The following MOB3B variants were observed in gnomAD, a reference collection of about 807,000 sequenced individuals.
The protein encoded by MOB3B is MOB kinase activator 3B.
MOB3B carries 7 observed loss-of-function variants against 18.7 expected under a neutral mutation model. That is an observed-to-expected ratio of 0.37 (90% CI 0.21 to 0.70). MOB3B has a LOEUF of 0.70. MOB3B is among the 30% of genes least tolerant of loss of function. The probability of loss-of-function intolerance (pLI) is 0.52; values close to 1 mark genes in which losing one functional copy is unlikely to be tolerated. For missense variants in MOB3B, 253 were observed against 281.3 expected, an observed-to-expected ratio of 0.90 and a Z score of 0.72; for synonymous variants, 111 against 99.9, an observed-to-expected ratio of 1.11 and a Z score of -0.66.
chr9:27,461,871 A>C (rs1226591790), intron 1 of MOB3B, among the ~76,000 whole-genome samples: 1 of 152,234 alleles, frequency 6.6e-6, no homozygotes, highest in Admixed American at 6.5e-5. Context: ...GAGGACACTT[A>C]GTGGTGAGAA....
chr9:27,325,626 A>G lies in MOB3B; in HGVS notation c.*4961T>C, dbSNP rs1820699289. ...GAAAACAATCATTATTTCCAAACACACTTTGTTTGTCTAATTCTAGGAGAG... is the reference window on the plus strand; with the variant it reads ...GAAAACAATCATTATTTCCAAACACGCTTTGTTTGTCTAATTCTAGGAGAG... On this transcript the variant is annotated 3_prime_UTR_variant, in exon 4 of 4. Transcript: ENST00000262244. The G allele has an allele frequency of 6.6e-6, 1 of 152,196 alleles. No homozygotes were observed. Among genetic ancestry groups the G allele is most frequent in the African/African-American group, 2.4e-5 (1 of 41,436 alleles). 9.4% of individuals were successfully genotyped at this position (152,196 alleles called of 1,614,324 possible).
intron 2 of MOB3B, among the ~76,000 whole-genome samples, chr9:27,414,976 C>G (rs1171672633): frequency 6.6e-6 from 1 of 152,160 alleles, no homozygotes; most frequent in Non-Finnish European, 1.5e-5. Context: ...ATTCTCCTGC[C>G]TCAGCCTCCC....
intron 1 of MOB3B, among the ~76,000 whole-genome samples, chr9:27,496,541 C>T (rs1819903198): frequency 6.6e-6 from 1 of 152,214 alleles, no homozygotes; most frequent in East Asian, 1.9e-4. Flanking sequence ...GTTCTACAGC[C>T]TAAATATTAA....
intron 2 of MOB3B, among the ~76,000 whole-genome samples, chr9:27,382,717 GAT>G (rs57101091): frequency 0.53 from 78,567 of 147,904 alleles, 21,129 homozygotes; most frequent in African/African-American, 0.58. Context: ...AGGTGAAGGT[GAT>G]ATATATATAT....
chr9:27,336,019 C>T (rs1442200521), intron 3 of MOB3B, among the ~76,000 whole-genome samples: 1 of 152,164 alleles, frequency 6.6e-6, no homozygotes, highest in Non-Finnish European at 1.5e-5. Context: ...TCTACAGACC[C>T]AAGTAAAATG....
chr9:27,397,204 A>G (rs1483701857), intron 2 of MOB3B: 1 of 152,174 alleles, frequency 6.6e-6, no homozygotes, highest in Non-Finnish European at 1.5e-5. Context: ...TATTTCTTCT[A>G]TACGGAGGTG....
chr9:27,482,952 C>T (rs1212578482), intron 1 of MOB3B, among the ~76,000 whole-genome samples: 1 of 152,162 alleles, frequency 6.6e-6, no homozygotes, highest in Non-Finnish European at 1.5e-5. Context: ...AACAGGCCTC[C>T]TGCTAACCTG....
At chr9:27,496,094 A>G (rs999474946) in intron 1 of MOB3B, among the ~76,000 whole-genome samples, 2 of 152,222 alleles carry the variant, frequency 1.3e-5, no homozygotes, top group African/African-American at 4.8e-5. Flanking sequence ...ATATCACTAA[A>G]AACGAGCAAA....
intron 1 of MOB3B, among the ~76,000 whole-genome samples, chr9:27,460,141 T>C (rs1819260023): frequency 6.6e-6 from 1 of 152,230 alleles, no homozygotes; most frequent in South Asian, 2.1e-4. Flanking sequence ...GGTTAGTTAT[T>C]GACTTTTGCT....
At chr9:27,446,322 C>A (rs1822692555) in intron 2 of MOB3B, among the ~76,000 whole-genome samples, 1 of 152,008 alleles carries the variant, frequency 6.6e-6, no homozygotes, top group African/African-American at 2.4e-5. Context: ...CTACTTTATA[C>A]CGAATGTTAT....
chr9:27,522,690 CATT>C (rs1370368209), intron 1 of MOB3B, among the ~76,000 whole-genome samples: 2 of 151,860 alleles, frequency 1.3e-5, no homozygotes, highest in Admixed American at 1.3e-4. Context: ...AGGGCATCAT[CATT>C]ATTTCTGGGG....
At chr9:27,400,821 G>A (rs1056835199) in intron 2 of MOB3B, among the ~76,000 whole-genome samples, 2 of 152,164 alleles carry the variant, frequency 1.3e-5, no homozygotes, top group South Asian at 4.1e-4. Context: ...TTTCTTAGAT[G>A]CTTTCTAGTC....
intron 3 of MOB3B, among the ~76,000 whole-genome samples, chr9:27,341,226 C>G (rs1034206908): frequency 6.6e-6 from 1 of 152,222 alleles, no homozygotes; most frequent in Non-Finnish European, 1.5e-5. Flanking sequence ...ATGGGGGCAA[C>G]TCTTAATGAC....
chr9:27,417,220 C>A (rs183302186), intron 2 of MOB3B, among the ~76,000 whole-genome samples: 1 of 152,156 alleles, frequency 6.6e-6, no homozygotes, highest in East Asian at 1.9e-4. Flanking sequence ...AAAAATTAGC[C>A]AGGCGTGGTG....
chr9:27,398,880 A>T (rs2150337), intron 2 of MOB3B, among the ~76,000 whole-genome samples: 1 of 151,838 alleles, frequency 6.6e-6, no homozygotes, highest in Admixed American at 6.6e-5. Flanking sequence ...ACCTTCACCT[A>T]GGCATCCCCA....
chr9:27,379,645 C>A (rs1821544416), intron 2 of MOB3B, among the ~76,000 whole-genome samples: 1 of 152,108 alleles, frequency 6.6e-6, no homozygotes, highest in South Asian at 2.1e-4. Flanking sequence ...AGACCTGGTC[C>A]AAAGCCATTC....
At chr9:27,351,297 AGT>A (rs1821102409) in intron 3 of MOB3B, among the ~76,000 whole-genome samples, 1 of 53,172 alleles carries the variant, frequency 1.9e-5, no homozygotes, top group Admixed American at 1.7e-4. Context: ...TCATATCAGT[AGT>A]AATCCCAGTA....
At chr9:27,361,147 T>C (rs560494428) in intron 2 of MOB3B, among the ~76,000 whole-genome samples, 8 of 152,204 alleles carry the variant, frequency 5.3e-5, no homozygotes, top group Non-Finnish European at 1.0e-4. Flanking sequence ...GTCTTCACAA[T>C]GTATCTGTGG....
At chr9:27,496,333 A>G (rs144387895) in intron 1 of MOB3B, among the ~76,000 whole-genome samples, 10 of 152,346 alleles carry the variant, frequency 6.6e-5, no homozygotes, top group Non-Finnish European at 1.3e-4. Context: ...TTAAGTTTCA[A>G]TGGACAGCAA....
Sources: allele counts gnomAD v4.1 joint callset (sites outside exome capture counted in the v4.1 genomes callset), GRCh38; gene constraint gnomAD v4.1.1; transcripts MANE v1.5; gene names NCBI Gene and HGNC (gene_info 2026-07-23, HGNC 2026-07-21).